The following GOLM2 variants were observed in gnomAD, a reference collection of about 807,000 sequenced individuals.
The protein encoded by GOLM2 is golgi membrane protein 2, also known as protein GOLM2.
Under a neutral mutation model 55.9 loss-of-function variants are expected in GOLM2, and 26 were observed. That is an observed-to-expected ratio of 0.47 (90% confidence interval 0.34 to 0.65). The LOEUF is 0.65. Among genes scored for constraint, GOLM2 ranks in the 30% least tolerant of loss-of-function variants. The pLI is 0.01. For synonymous variants in GOLM2, 165 were observed against 194.6 expected, an observed-to-expected ratio of 0.85 and a Z score of 1.27; for missense variants, 486 against 531.8, an observed-to-expected ratio of 0.91 and a Z score of 0.85.
chr15:44,369,066 ATTATATATATATATATATATATAT>A lies in GOLM2; in HGVS notation c.803-10623_803-10600del, dbSNP rs1652649951. Reference sequence around the variant, plus strand: ...GAGATATATACATATAATAGGATATATTATATATATATATATATATATATATATATATATATATATATATATATA... The same window carrying A: ...GAGATATATACATATAATAGGATATAATATATATATATATATATATATATA... On this transcript the variant is annotated intron_variant, in intron 6 of 9. Coordinates refer to ENST00000299957, the MANE Select transcript of GOLM2 (RefSeq NM_138423.4). Among the ~76,000 whole-genome samples, 4 of 60,096 alleles carry A rather than the reference ATTATATATATATATATATATATAT, an allele frequency of 6.7e-5. 1 individual carries two copies. Among genetic ancestry groups the A allele is most frequent in the African/African-American group, 2.2e-4 (3 of 13,346 alleles). 39.4% of individuals were successfully genotyped at this position (60,096 alleles called of 152,430 possible). A position where few individuals can be genotyped will look rare whatever the true frequency, so the allele number is the denominator to read the frequency against.
intron 2 of GOLM2, among the ~76,000 whole-genome samples, chr15:44,326,726 G>A (rs1487194537): frequency 4.9e-5 from 7 of 144,224 alleles, no homozygotes; most frequent in Admixed American, 2.8e-4. Context: ...ATCTCGGTTT[G>A]CTGTAACCTC....
intron 6 of GOLM2, chr15:44,345,974 T>C (rs1047138737): frequency 6.6e-6 from 1 of 152,172 alleles, no homozygotes; most frequent in Non-Finnish European, 1.5e-5. Context: ...TGATCTTGGC[T>C]CACTGCAACC....
intron 2 of GOLM2, among the ~76,000 whole-genome samples, chr15:44,324,934 G>A (rs1417522359): frequency 1.3e-5 from 2 of 151,994 alleles, no homozygotes; most frequent in Non-Finnish European, 2.9e-5. Context: ...GTTCTGCTAC[G>A]GTGACCTGGA....
intron 6 of GOLM2, among the ~76,000 whole-genome samples, chr15:44,348,286 T>C (rs1403155042): frequency 6.6e-6 from 1 of 151,358 alleles, no homozygotes; most frequent in Non-Finnish European, 1.5e-5. Context: ...ATGGTAGTTC[T>C]GGACCTACAC....
intron 6 of GOLM2, among the ~76,000 whole-genome samples, chr15:44,361,860 T>G (rs1437837889): frequency 6.6e-6 from 1 of 152,112 alleles, no homozygotes; most frequent in Non-Finnish European, 1.5e-5. Flanking sequence ...CAAGTGGGCT[T>G]CATCCCTGGG....
At chr15:44,362,386 T>C (rs2079247548) in intron 6 of GOLM2, among the ~76,000 whole-genome samples, 1 of 151,412 alleles carries the variant, frequency 6.6e-6, no homozygotes, top group Non-Finnish European at 1.5e-5. Flanking sequence ...CAAGCATTCT[T>C]ATACACCAAT....
chr15:44,330,611 G>T (rs989165349), intron 3 of GOLM2, among the ~76,000 whole-genome samples: 1 of 151,890 alleles, frequency 6.6e-6, no homozygotes, highest in African/African-American at 2.4e-5. Flanking sequence ...TACACCTGTG[G>T]TCCCAGCTAC....
chr15:44,319,609 C>CCCT (rs2078935531), intron 1 of GOLM2, among the ~76,000 whole-genome samples: 1 of 152,008 alleles, frequency 6.6e-6, no homozygotes, highest in East Asian at 1.9e-4. Context: ...GTTTTTGAGA[C>CCCT]AGGGTCTCGC....
chr15:44,310,525 C>T (rs1007663960), intron 1 of GOLM2, among the ~76,000 whole-genome samples: 6 of 149,286 alleles, frequency 4.0e-5, no homozygotes, highest in African/African-American at 1.5e-4. Context: ...CACACACACA[C>T]ATACATATTC....
At chr15:44,355,494 C>A (rs764751364) in intron 6 of GOLM2, 1 of 164,870 alleles carries the variant, frequency 6.1e-6, no homozygotes, top group South Asian at 1.4e-4. Flanking sequence ...GAAGGCCCTT[C>A]GAGGGCACAC....
chr15:44,324,411 G>C (rs1024609733), intron 2 of GOLM2, among the ~76,000 whole-genome samples: 1 of 152,068 alleles, frequency 6.6e-6, no homozygotes, highest in African/African-American at 2.4e-5. Context: ...ACAACTTTTG[G>C]TTTTGAAGCT....
At chr15:44,351,361 G>A (rs1413479568) in intron 6 of GOLM2, among the ~76,000 whole-genome samples, 1 of 151,950 alleles carries the variant, frequency 6.6e-6, no homozygotes, top group Non-Finnish European at 1.5e-5. Context: ...TGGATCACGA[G>A]GTCAGGAGAT....
chr15:44,326,825 T>C (rs2078985057), intron 2 of GOLM2, among the ~76,000 whole-genome samples: 1 of 151,786 alleles, frequency 6.6e-6, no homozygotes, highest in African/African-American at 2.4e-5. Flanking sequence ...CTAATTTTTG[T>C]ATTTTTAGTG....
chr15:44,372,427 T>G (rs1388899609), intron 6 of GOLM2, among the ~76,000 whole-genome samples: 1 of 152,164 alleles, frequency 6.6e-6, no homozygotes, highest in Admixed American at 6.5e-5. Context: ...AAAGGCAGGA[T>G]CAGTTCTTTT....
intron 6 of GOLM2, among the ~76,000 whole-genome samples, chr15:44,371,984 A>T (rs2079331943): frequency 6.6e-6 from 1 of 152,186 alleles, no homozygotes; most frequent in Admixed American, 6.6e-5. Context: ...TAGTCCCCAC[A>T]TTGATCATGC....
intron 1 of GOLM2, among the ~76,000 whole-genome samples, chr15:44,305,401 G>A (rs2078830506): frequency 6.6e-6 from 1 of 151,372 alleles, no homozygotes; most frequent in South Asian, 2.1e-4. Context: ...CTGAGCTCAA[G>A]TGATCCTCCC....
At chr15:44,378,771 A>G (rs549314323) in intron 6 of GOLM2, among the ~76,000 whole-genome samples, 79 of 151,554 alleles carry the variant, frequency 5.2e-4, no homozygotes, top group South Asian at 1.3e-3. Flanking sequence ...TTTATTTGAG[A>G]TGAAGTCTCT....
intron 6 of GOLM2, among the ~76,000 whole-genome samples, chr15:44,378,354 C>A (rs924096093): frequency 1.6e-5 from 2 of 125,512 alleles, no homozygotes; most frequent in Admixed American, 8.3e-5. Context: ...CGCGCCAGGA[C>A]TTTTTTTTTT....
chr15:44,368,970 G>A (rs2079305015), intron 6 of GOLM2, among the ~76,000 whole-genome samples: 1 of 144,946 alleles, frequency 6.9e-6, no homozygotes, highest in South Asian at 2.2e-4. Context: ...AAAGGGTGTT[G>A]AATTTTGTTC....
Sources: allele counts gnomAD v4.1 joint callset (sites outside exome capture counted in the v4.1 genomes callset), GRCh38; gene constraint gnomAD v4.1.1; transcripts MANE v1.5; gene names NCBI Gene and HGNC (gene_info 2026-07-23, HGNC 2026-07-21).